GLB1: variants seen among roughly 807,000 people sequenced by gnomAD.
The protein encoded by GLB1 is beta-galactosidase.
A neutral mutation model predicts 74.0 loss-of-function variants in GLB1; 56 were observed. That is an observed-to-expected ratio of 0.76 (90% CI 0.61 to 0.94). The LOEUF (loss-of-function observed/expected upper bound fraction) is 0.94, where lower values mean the gene tolerates loss of function less well. Ranked by LOEUF, GLB1 falls within the 40% of genes least tolerant of loss-of-function variation. The probability of loss-of-function intolerance (pLI) is 0.00; values close to 1 mark genes in which losing one functional copy is unlikely to be tolerated. For synonymous variants in GLB1, 323 were observed against 323.6 expected (o/e 1.00, Z 0.02); for missense variants, 787 against 845.5 (o/e 0.93, Z 0.86).
chr3:33,019,366 T>A (rs1697375768), intron 12 of GLB1, among the ~76,000 whole-genome samples: 1 of 152,230 alleles, frequency 6.6e-6, no homozygotes, highest in Non-Finnish European at 1.5e-5. Context: ...GAATTATAGT[T>A]ATTGACTTTG....
chr3:33,048,487 C>A (rs1377692370), intron 9 of GLB1, among the ~76,000 whole-genome samples: 2 of 152,194 alleles, frequency 1.3e-5, no homozygotes, highest in African/African-American at 4.8e-5. Context: ...CATCACACAG[C>A]TGTGGACACA....
downstream of GLB1, among the ~76,000 whole-genome samples, chr3:32,993,360 A>T (rs577194365): frequency 8.6e-5 from 13 of 151,768 alleles, no homozygotes; most frequent in African/African-American, 2.9e-4. Context: ...TCTAAGTGTG[A>T]TTCTTTCTTT....
intron 14 of GLB1, 117 bp from the exon 15 acceptor site, chr3:33,014,427 T>C: frequency 1.4e-6 from 2 of 1,477,602 alleles, no homozygotes; most frequent in Non-Finnish European, 1.8e-6. Context: ...CAACAGGAAA[T>C]GAACCTCGAA....
At chr3:33,064,500 G>A (rs1699586298) in intron 5 of GLB1, among the ~76,000 whole-genome samples, 1 of 149,550 alleles carries the variant, frequency 6.7e-6, no homozygotes, top group African/African-American at 2.5e-5. Flanking sequence ...GTCATAGCCG[G>A]GCACGGTGGC....
chr3:33,070,640 T>C (rs921615899), intron 2 of GLB1, among the ~76,000 whole-genome samples: 1 of 152,172 alleles, frequency 6.6e-6, no homozygotes, highest in Admixed American at 6.5e-5. Context: ...GTCCAGGAGT[T>C]GAAGACCACC....
intron 9 of GLB1, among the ~76,000 whole-genome samples, 197 bp from the exon 10 acceptor site, chr3:33,046,429 G>A (rs1698742824): frequency 6.6e-6 from 1 of 152,010 alleles, no homozygotes; most frequent in Non-Finnish European, 1.5e-5. Context: ...GCAGTTACCA[G>A]GCACCTTAGA....
In GLB1 at chr3:33,051,749, T is replaced by A; in HGVS notation, c.955+9A>T. Reference sequence around the variant, plus strand: ...GCATAAGTTTCTACAGATATTAAAGTGCTCTTACCATTCCAATAGGCAAAA... The same window carrying A: ...GCATAAGTTTCTACAGATATTAAAGAGCTCTTACCATTCCAATAGGCAAAA... On this transcript the variant is annotated intron_variant, in intron 9 of 15. Coordinates refer to ENST00000307363, the MANE Select transcript of GLB1 (RefSeq NM_000404.4). The A allele has an allele frequency of 6.2e-7, 1 of 1,614,150 alleles. No homozygotes were observed.
At chr3:33,096,365 A>G (rs969230544) in intron 1 of GLB1, 1 of 980,516 alleles carries the variant, frequency 1.0e-6, no homozygotes, top group African/African-American at 1.8e-5. Flanking sequence ...CCCTGCCCCG[A>G]TCAACGATGG....
chr3:33,018,620 G>C (rs1697342875), intron 12 of GLB1, 59 bp from the exon 13 acceptor site: 3 of 1,558,262 alleles, frequency 1.9e-6, no homozygotes, highest in Non-Finnish European at 1.8e-6. Flanking sequence ...TAGAGAACTT[G>C]GTTACCCTAG....
chr3:33,083,509 G>T (rs755730061), intron 1 of GLB1, among the ~76,000 whole-genome samples: 7 of 151,706 alleles, frequency 4.6e-5, no homozygotes, highest in Admixed American at 1.3e-4. Context: ...AATAATGCAA[G>T]ATTTGACCTG....
chr3:33,092,716 G>T, intron 1 of GLB1: 1 of 1,475,840 alleles, frequency 6.8e-7, no homozygotes. Context: ...TTGTGACCAA[G>T]GGTGTGTAGG....
chr3:32,984,928 C>T, the GLB1 span, among the ~76,000 whole-genome samples: 10 of 147,008 alleles, frequency 6.8e-5, no homozygotes, highest in Non-Finnish European at 7.5e-5. Context: ...GGTGACAGAG[C>T]GAGACTCTGT....
chr3:33,004,794 G>A (rs1224634834), intron 15 of GLB1, among the ~76,000 whole-genome samples: 1 of 152,236 alleles, frequency 6.6e-6, no homozygotes, highest in Non-Finnish European at 1.5e-5. Context: ...CAGCAGAAGA[G>A]TAGCTTTCAG....
At chr3:32,981,470 G>A in the GLB1 span, among the ~76,000 whole-genome samples, 7 of 150,062 alleles carry the variant, frequency 4.7e-5, no homozygotes, top group African/African-American at 1.5e-4. Context: ...CTCTTTTTAC[G>A]TTGGATATTT....
rs370137420 is a variant in GLB1 at position 33,092,044 on chromosome 3, G to C, written c.75+4967C>G. 1.1e-4 allele frequency: 112 copies of C among 985,062 alleles called. No homozygotes were observed. The East Asian group carries it at 7.0e-3, about 62-fold the overall frequency. The allele number at this position is 985,062 out of a possible 1,614,324, so 61.0% of individuals were successfully genotyped here. A position where few individuals can be genotyped will look rare whatever the true frequency, so the allele number is the denominator to read the frequency against. The stretch of plus-strand genomic sequence containing the variant: ...ATCTCCAAATAGGGAAAAGCAGCCT[G>C]TCCCCAGTGAGCTCCCCGAAGGGTT... On this transcript the variant is annotated intron_variant, in intron 1 of 15. Coordinates refer to ENST00000307363, the MANE Select transcript of GLB1 (RefSeq NM_000404.4).
intron 1 of GLB1, chr3:33,076,993 G>A (rs1359666353): frequency 8.6e-7 from 1 of 1,160,464 alleles, no homozygotes; most frequent in Non-Finnish European, 1.1e-6. Context: ...GGAGGCCAAG[G>A]CAGGAGAATT....
intron 1 of GLB1, among the ~76,000 whole-genome samples, chr3:33,082,835 A>G (rs1172682179): frequency 6.6e-6 from 1 of 152,156 alleles, no homozygotes; most frequent in Non-Finnish European, 1.5e-5. Context: ...GAACATCACC[A>G]TGTTATTTGA....
the GLB1 span, among the ~76,000 whole-genome samples, chr3:32,966,509 G>A: frequency 6.6e-6 from 1 of 152,162 alleles, no homozygotes; most frequent in African/African-American, 2.4e-5. Flanking sequence ...CAGGCCCATA[G>A]GTAAGAAGGG....
Position 33,026,823 on chromosome 3 carries a change from C to T in GLB1, c.1069-2498G>A, listed in dbSNP as rs543436616. On this transcript the variant is annotated intron_variant, in intron 10 of 15. Transcript: ENST00000307363. ...CCCTCTCTGCTGAGAGCTGAACACT[C>T]GCTGGGACACCCTGGCTATGGAGAC... is the stretch of plus-strand genomic sequence containing the variant. Among the ~76,000 whole-genome samples, 4 of 152,208 alleles carry T rather than the reference C, an allele frequency of 2.6e-5. No homozygotes were observed. In the South Asian group the frequency reaches 6.2e-4, roughly 24 times the overall value.
Sources: allele counts gnomAD v4.1 joint callset (sites outside exome capture counted in the v4.1 genomes callset), GRCh38; gene constraint gnomAD v4.1.1; transcripts MANE v1.5; gene names NCBI Gene and HGNC (gene_info 2026-07-23, HGNC 2026-07-21).